Variants in TSPEAR observed in about 807,000 individuals in gnomAD.
The protein encoded by TSPEAR is thrombospondin-type laminin G domain and EAR repeat-containing protein.
In TSPEAR, 69 loss-of-function variants were observed where a neutral mutation model predicts 71.6. That is an observed-to-expected ratio of 0.96 (90% confidence interval 0.79 to 1.18). The LOEUF (loss-of-function observed/expected upper bound fraction) is 1.18. TSPEAR is among the 50% of genes most tolerant of loss of function. The pLI, the probability that TSPEAR is intolerant of heterozygous loss-of-function variation, is 0.00. For missense variants in TSPEAR, 971 were observed against 894.9 expected (o/e 1.09, Z -1.09); for synonymous variants, 402 against 387.2 (o/e 1.04, Z -0.45).
intron 1 of TSPEAR, chr21:44,627,950 G>C (rs782560286): frequency 4.0e-6 from 6 of 1,517,512 alleles, no homozygotes; most frequent in African/African-American, 1.4e-5. Flanking sequence ...CGCCAGCCCA[G>C]CTATTGCCGC....
chr21:44,573,866 C>T (rs1978297443), intron 1 of TSPEAR: 1 of 1,613,680 alleles, frequency 6.2e-7, no homozygotes, highest in Admixed American at 1.7e-5. Context: ...CAGAGAGCTG[C>T]TGCGAGCCCC....
chr21:44,538,439 G>C (rs1470884399), intron 2 of TSPEAR, among the ~76,000 whole-genome samples: 1 of 143,110 alleles, frequency 7.0e-6, no homozygotes. Context: ...CCCCCCCCAA[G>C]AGGAGAACCT....
chr21:44,551,307 C>T, intron 2 of TSPEAR: 2 of 1,613,428 alleles, frequency 1.2e-6, no homozygotes, highest in Non-Finnish European at 1.7e-6. Flanking sequence ...GGACACACAG[C>T]TCACTGGGGT....
intron 1 of TSPEAR, among the ~76,000 whole-genome samples, chr21:44,573,305 T>C (rs9976765): frequency 0.039 from 5,726 of 148,592 alleles, 337 homozygotes; most frequent in African/African-American, 0.13. Context: ...CCCCATAGCC[T>C]GGCACACACA....
intron 1 of TSPEAR, among the ~76,000 whole-genome samples, chr21:44,585,651 AG>A (rs1979288414): frequency 6.6e-6 from 1 of 152,086 alleles, no homozygotes; most frequent in Non-Finnish European, 1.5e-5. Flanking sequence ...GTCTGTTATG[AG>A]GACTGCCATT....
At chr21:44,632,228 AATT>A (rs1408284412) in intron 1 of TSPEAR, among the ~76,000 whole-genome samples, 1 of 152,228 alleles carries the variant, frequency 6.6e-6, no homozygotes, top group Non-Finnish European at 1.5e-5. Context: ...CACAAAATTA[AATT>A]ATTGAAAGCC....
chr21:44,646,217 C>A, intron 1 of TSPEAR, among the ~76,000 whole-genome samples: 1 of 151,026 alleles, frequency 6.6e-6, no homozygotes, highest in Middle Eastern at 3.4e-3. Flanking sequence ...CAGAGCCCTG[C>A]GACATACATA....
In TSPEAR at chr21:44,529,786, C is replaced by A. The variant is rs782202654; in HGVS notation, c.790+12G>T. Reference sequence around the variant, plus strand: ...TGCCTTTGGTGTGGGGGCGGGTGGCCCCCCTACTAACCATAGGGATATTTT... The same window carrying A: ...TGCCTTTGGTGTGGGGGCGGGTGGCACCCCTACTAACCATAGGGATATTTT... On this transcript the variant is annotated intron_variant, in intron 5 of 11. Transcript: ENST00000323084. 6.2e-7 allele frequency: 1 copy of A among 1,613,470 alleles called. No homozygotes were observed. The highest frequency in any genetic ancestry group is 1.7e-5 in the Admixed American group (1 of 60,014).
intron 1 of TSPEAR, chr21:44,579,658 G>A (rs1288844986): frequency 7.0e-7 from 1 of 1,432,754 alleles, no homozygotes; most frequent in Non-Finnish European, 9.4e-7. Flanking sequence ...CTCAGCACAT[G>A]GGGGCCCCGT....
intron 2 of TSPEAR, among the ~76,000 whole-genome samples, chr21:44,534,520 C>T (rs1338837486): frequency 6.6e-6 from 1 of 151,596 alleles, no homozygotes; most frequent in Non-Finnish European, 1.5e-5. Context: ...GCTGCTGGGC[C>T]AGGGGCAAGG....
intron 1 of TSPEAR, among the ~76,000 whole-genome samples, chr21:44,670,149 A>G (rs1256047724): frequency 6.6e-6 from 1 of 152,228 alleles, no homozygotes; most frequent in Admixed American, 6.5e-5. Context: ...AGAAAGTAAC[A>G]GAATAAAGGG....
chr21:44,697,233 G>A, intron 1 of TSPEAR: 2 of 1,614,018 alleles, frequency 1.2e-6, no homozygotes, highest in South Asian at 2.2e-5. Context: ...CTGAGCTATG[G>A]CAGCCGCGTC....
At chr21:44,500,125 G>A (rs991797303) in intron 11 of TSPEAR, among the ~76,000 whole-genome samples, 189 bp from the exon 12 acceptor site, 3 of 152,194 alleles carry the variant, frequency 2.0e-5, no homozygotes, top group African/African-American at 7.2e-5. Context: ...TTGCAAAGCA[G>A]GAGGCTGAGG....
intron 2 of TSPEAR, chr21:44,550,465 G>A: frequency 1.4e-6 from 1 of 725,074 alleles, no homozygotes. Context: ...GACCAGCGGA[G>A]GGTTGTGGTC....
At position 44,681,938 on chromosome 21, in the gene TSPEAR, G is replaced by A. The variant is rs547596187; in HGVS notation, c.82+29495C>T. On this transcript the variant is annotated intron_variant, in intron 1 of 11. Transcript: ENST00000323084. ...GGCAGGAGGGAGCCGCATACACGAC[G>A]GGCCTGCAGCTCACGGGCACGCACA... 124 of 1,614,100 alleles carry A rather than the reference G, an allele frequency of 7.7e-5. No homozygotes were observed. The East Asian group carries it at 8.0e-4, about 10-fold the overall frequency.
chr21:44,675,993 TG>T, intron 1 of TSPEAR: 1 of 839,240 alleles, frequency 1.2e-6, no homozygotes, highest in Non-Finnish European at 2.1e-6. Flanking sequence ...GCCACTTATC[TG>T]GATTCTCCCT....
At chr21:44,673,392 A>T (rs1349208318) in intron 1 of TSPEAR, among the ~76,000 whole-genome samples, 1 of 152,258 alleles carries the variant, frequency 6.6e-6, no homozygotes, top group East Asian at 1.9e-4. Context: ...CATACAGGAA[A>T]TTCTTAAGAG....
chr21:44,697,066 C>T (rs550199031), intron 1 of TSPEAR: 42 of 1,207,778 alleles, frequency 3.5e-5, no homozygotes, highest in African/African-American at 1.1e-4. Context: ...AGCACCCAGA[C>T]GCTCACTCAC....
intron 1 of TSPEAR, among the ~76,000 whole-genome samples, chr21:44,614,169 G>A (rs1026160338): frequency 1.3e-5 from 2 of 152,020 alleles, no homozygotes; most frequent in Admixed American, 6.5e-5. Context: ...CAAGCCCCCC[G>A]CCCACTGCTT....
Sources: allele counts gnomAD v4.1 joint callset (sites outside exome capture counted in the v4.1 genomes callset), GRCh38; gene constraint gnomAD v4.1.1; transcripts MANE v1.5; gene names NCBI Gene and HGNC (gene_info 2026-07-23, HGNC 2026-07-21).